The following TTBK2 variants were observed in gnomAD, a reference collection of about 807,000 sequenced individuals.
TTBK2 encodes tau-tubulin kinase 2.
A neutral mutation model predicts 110.8 loss-of-function variants in TTBK2; 28 were observed. That is an observed-to-expected ratio of 0.25 (90% CI 0.19 to 0.35). The LOEUF (loss-of-function observed/expected upper bound fraction) is 0.35, where lower values mean the gene tolerates loss of function less well. TTBK2 is among the 10% of genes least tolerant of loss of function. TTBK2 has a pLI of 1.00. For missense variants in TTBK2, 1,369 were observed against 1,500.3 expected (o/e 0.91, Z 1.45); for synonymous variants, 532 against 527.3 (o/e 1.01, Z -0.12).
intron 3 of TTBK2, among the ~76,000 whole-genome samples, chr15:42,868,015 T>C (rs1189887627): frequency 6.6e-6 from 1 of 152,326 alleles, no homozygotes; most frequent in African/African-American, 2.4e-5. Context: ...TAAGTGCATA[T>C]TACTAAGTGA....
intron 7 of TTBK2, among the ~76,000 whole-genome samples, chr15:42,815,908 T>TA (rs1567040278): frequency 1.0e-5 from 1 of 98,214 alleles, no homozygotes; most frequent in African/African-American, 5.5e-5. Context: ...ATATATATAT[T>TA]TAAAAATATA....
In TTBK2 at chr15:42,742,946, A is replaced by G. The variant is rs2060412197; in HGVS notation, c.*2849T>C. On this transcript the variant is annotated 3_prime_UTR_variant, in exon 15 of 15. Transcript: ENST00000267890. ...ACCTCATTCTCTGTATCATACTTTA[A>G]AACTAAAATAAAAATCCCTGTGTCA... The G allele has an allele frequency of 6.6e-6, 1 of 152,210 alleles. No individual in the cohort carries two copies. The highest frequency in any genetic ancestry group is 1.5e-5 in the Non-Finnish European group (1 of 68,026). 9.4% of individuals were successfully genotyped at this position (152,210 alleles called of 1,614,324 possible). A position where few individuals can be genotyped will look rare whatever the true frequency, so the allele number is the denominator to read the frequency against.
At chr15:42,891,051 G>C (rs939373498) in intron 1 of TTBK2, among the ~76,000 whole-genome samples, 7 of 151,584 alleles carry the variant, frequency 4.6e-5, no homozygotes, top group African/African-American at 1.7e-4. Context: ...TTGTATTTCT[G>C]GTAGAGACGG....
chr15:42,778,497 C>G (rs1214267757), intron 11 of TTBK2, among the ~76,000 whole-genome samples: 1 of 152,082 alleles, frequency 6.6e-6, no homozygotes, highest in African/African-American at 2.4e-5. Flanking sequence ...AACCCCATCT[C>G]TACTAAAAAT....
intron 11 of TTBK2, among the ~76,000 whole-genome samples, chr15:42,780,736 C>T (rs932673091): frequency 2.6e-5 from 4 of 151,976 alleles, no homozygotes; most frequent in East Asian, 1.9e-4. Flanking sequence ...GAGGCTGAGG[C>T]GGACAAATCA....
At chr15:42,767,303 C>CA (rs1421893293) in intron 13 of TTBK2, among the ~76,000 whole-genome samples, 12 of 151,960 alleles carry the variant, frequency 7.9e-5, no homozygotes, top group East Asian at 1.9e-4. Flanking sequence ...AAAAACCCTT[C>CA]AAAAAATCAA....
chr15:42,838,495 C>T (rs1001089970), intron 4 of TTBK2, among the ~76,000 whole-genome samples: 2 of 152,042 alleles, frequency 1.3e-5, no homozygotes, highest in Admixed American at 1.3e-4. Context: ...CCTCTGCTCC[C>T]TCGACCTAAC....
chr15:42,745,660 T>C lies in TTBK2; in HGVS notation c.*135A>G. On this transcript the variant is annotated 3_prime_UTR_variant, in exon 15 of 15. Transcript: ENST00000267890. Reference sequence around the variant, plus strand: ...CCTTATCATGTATTATGTCTTCTTATAAATAATTGATCATGTTACTTTCTT... The same window carrying C: ...CCTTATCATGTATTATGTCTTCTTACAAATAATTGATCATGTTACTTTCTT... 1 of 1,081,838 alleles carries C rather than the reference T, an allele frequency of 9.2e-7. No individual in the cohort carries two copies. Among genetic ancestry groups the C allele is most frequent in the Non-Finnish European group, 1.4e-6 (1 of 711,544 alleles). 67.0% of individuals were successfully genotyped at this position (1,081,838 alleles called of 1,614,324 possible). A position where few individuals can be genotyped will look rare whatever the true frequency, so the allele number is the denominator to read the frequency against.
rs2061744459 is a variant in TTBK2, at chr15:42,740,656, A to C, written c.*5139T>G. ...TGTAATCTTCTGCCTCCCAGGTTCAAGCGATTCTCCTGCCTCAGCCTCCTG... is the reference window on the plus strand; with the variant it reads ...TGTAATCTTCTGCCTCCCAGGTTCACGCGATTCTCCTGCCTCAGCCTCCTG... On this transcript the variant is annotated 3_prime_UTR_variant, in exon 15 of 15. Transcript: ENST00000267890. 1 of 151,346 alleles carries C rather than the reference A, an allele frequency of 6.6e-6. No individual in the cohort carries two copies. The highest frequency in any genetic ancestry group is 1.5e-5 in the Non-Finnish European group (1 of 67,972). The allele number at this position is 151,346 out of a possible 1,614,324, so 9.4% of individuals were successfully genotyped here.
At chr15:42,785,397 A>C (rs1481949615) in intron 10 of TTBK2, among the ~76,000 whole-genome samples, 1 of 152,188 alleles carries the variant, frequency 6.6e-6, no homozygotes, top group Non-Finnish European at 1.5e-5. Context: ...CTGGGATTAC[A>C]GGTGTGAGCC....
intron 1 of TTBK2, among the ~76,000 whole-genome samples, chr15:42,896,063 C>T (rs1895654754): frequency 6.6e-6 from 1 of 151,566 alleles, no homozygotes; most frequent in African/African-American, 2.4e-5. Context: ...TGGTGGCTCA[C>T]ATCTGTAATC....
At chr15:42,763,167 TATATATATATATATATATATATATA>T (rs1889143465) in intron 13 of TTBK2, among the ~76,000 whole-genome samples, 2 of 13,974 alleles carry the variant, frequency 1.4e-4, no homozygotes, top group Admixed American at 8.4e-4. Context: ...CATATATATA[TATATATATATATATATATATATATA>T]TTTTTTTTTT....
In TTBK2 at chr15:42,788,450, C is replaced by T. The variant is rs1360326252; in HGVS notation, c.981-4815G>A. 5.9e-5 allele frequency among the ~76,000 whole-genome samples: 9 copies of T among 152,260 alleles called. No individual in the cohort carries two copies. In the East Asian group the frequency reaches 9.6e-4, roughly 16 times the overall value. ...TGTTTAAGTCTTCTATCTTCCTATT[C>T]TCTGTTCACTTGATCTGTCTTAAAC... On this transcript the variant is annotated intron_variant, in intron 10 of 14. Coordinates refer to ENST00000267890, the MANE Select transcript of TTBK2 (RefSeq NM_173500.4).
chr15:42,841,114 G>C (rs557825832), intron 3 of TTBK2, among the ~76,000 whole-genome samples: 1 of 152,184 alleles, frequency 6.6e-6, no homozygotes, highest in East Asian at 1.9e-4. Context: ...CTGACCCGAA[G>C]GCAGTGGAAA....
chr15:42,913,511 G>A (rs1235771553), intron 1 of TTBK2, among the ~76,000 whole-genome samples: 2 of 151,916 alleles, frequency 1.3e-5, no homozygotes, highest in African/African-American at 2.4e-5. Flanking sequence ...GGTGGTGGGC[G>A]CCTGTAGTCC....
rs557530328 is a variant in TTBK2 at position 42,802,207 on chromosome 15, T to C, written c.823-7406A>G. Reference sequence around the variant, plus strand: ...GTTAAGAGGGCTCAGCAGGCTTTGGTTGACAGTGATGGTGGTGATGCCTCC... The same window carrying C: ...GTTAAGAGGGCTCAGCAGGCTTTGGCTGACAGTGATGGTGGTGATGCCTCC... On this transcript the variant is annotated intron_variant, in intron 9 of 14. Coordinates refer to ENST00000267890, the MANE Select transcript of TTBK2 (RefSeq NM_173500.4). 53 of 998,784 alleles carry C rather than the reference T, an allele frequency of 5.3e-5. 1 individual carries two copies. The South Asian group carries it at 5.9e-4, about 11-fold the overall frequency. 61.9% of individuals were successfully genotyped at this position (998,784 alleles called of 1,614,324 possible).
At chr15:42,820,330 T>A (rs1178658329) in intron 6 of TTBK2, among the ~76,000 whole-genome samples, 1 of 152,132 alleles carries the variant, frequency 6.6e-6, no homozygotes, top group Non-Finnish European at 1.5e-5. Flanking sequence ...CAATGAAATA[T>A]AAACACTCGG....
At chr15:42,801,142 A>T in intron 9 of TTBK2, 1 of 1,121,514 alleles carries the variant, frequency 8.9e-7, no homozygotes, top group South Asian at 1.2e-5. Context: ...CCATAGGCCA[A>T]GCTCTGACCA....
chr15:42,787,428 A>T (rs1286182582), intron 10 of TTBK2, among the ~76,000 whole-genome samples: 1 of 152,196 alleles, frequency 6.6e-6, no homozygotes, highest in South Asian at 2.1e-4. Context: ...AACAGAAAAA[A>T]ATCAGAAGTT....
Sources: gnomAD v4.1 joint callset for allele counts (sites outside exome capture counted in the v4.1 genomes callset) on GRCh38, gnomAD v4.1.1 for gene constraint, MANE v1.5 for transcripts, NCBI Gene and HGNC (gene_info 2026-07-23, HGNC 2026-07-21) for gene names.